PIGF: variants seen among roughly 807,000 people sequenced by gnomAD.
PIGF encodes the protein GPI ethanolamine phosphate transferase, stabilizing subunit.
Under a neutral mutation model 26.0 loss-of-function variants are expected in PIGF, and 23 were observed. The ratio of observed to expected loss-of-function variants is 0.88; its 90% CI spans 0.64 to 1.25. The LOEUF is 1.25. Among genes scored for constraint, PIGF ranks in the 50% most tolerant of loss-of-function variants. PIGF has a pLI of 0.00. For synonymous variants in PIGF, 93 were observed against 92.6 expected (o/e 1.00, Z -0.03); for missense variants, 278 against 249.9 (o/e 1.11, Z -0.76).
chr2:46,597,129 T>A (rs1669912994), intron 4 of PIGF, among the ~76,000 whole-genome samples: 1 of 152,166 alleles, frequency 6.6e-6, no homozygotes, highest in South Asian at 2.1e-4. Flanking sequence ...TGCTGTGGGG[T>A]CCCTGCACGA....
chr2:46,596,447 A>C (rs1022157048), intron 4 of PIGF, among the ~76,000 whole-genome samples: 6 of 152,138 alleles, frequency 3.9e-5, no homozygotes, highest in Non-Finnish European at 8.8e-5. Flanking sequence ...TGGAACTGAG[A>C]CCTATTTTTA....
rs947278261 is a variant in PIGF, at chr2:46,617,017, C to T, written c.-69G>A. 2 of 581,154 alleles carry T rather than the reference C, an allele frequency of 3.4e-6. No individual in the cohort carries two copies. Among genetic ancestry groups the T allele is most frequent in the African/African-American group, 3.8e-5 (2 of 52,638 alleles). 36.0% of individuals were successfully genotyped at this position (581,154 alleles called of 1,614,324 possible). The stretch of plus-strand genomic sequence containing the variant: ...GGAAGCGGGGAACTACTGCCTCCTA[C>T]CATCAGGTACGACGGGCGGCCCAGG... On this transcript the variant is annotated 5_prime_UTR_variant, in exon 1 of 6. Coordinates refer to ENST00000281382, the MANE Select transcript of PIGF (RefSeq NM_002643.4).
At chr2:46,604,588 G>A (rs1308857578) in intron 4 of PIGF, among the ~76,000 whole-genome samples, 4 of 151,962 alleles carry the variant, frequency 2.6e-5, no homozygotes, top group African/African-American at 9.7e-5. Context: ...AGGTCATTAT[G>A]TTAAATGAAA....
intron 5 of PIGF, among the ~76,000 whole-genome samples, chr2:46,587,453 CA>C (rs1558699522): frequency 6.7e-6 from 1 of 150,108 alleles, no homozygotes; most frequent in African/African-American, 2.4e-5. Flanking sequence ...AAAAAAAACC[CA>C]AAAAATTTTT....
chr2:46,597,604 G>T (rs1298286024), intron 4 of PIGF, among the ~76,000 whole-genome samples: 1 of 152,086 alleles, frequency 6.6e-6, no homozygotes, highest in African/African-American at 2.4e-5. Flanking sequence ...TAGAGATGGG[G>T]TTTCACCTTG....
At chr2:46,601,344 T>A (rs1412378847) in intron 4 of PIGF, among the ~76,000 whole-genome samples, 3 of 152,116 alleles carry the variant, frequency 2.0e-5, no homozygotes, top group African/African-American at 7.2e-5. Context: ...ATTATTTGAC[T>A]CCACTGGAAT....
At chr2:46,614,153 T>C (rs1236415359) in intron 2 of PIGF, 1 of 156,458 alleles carries the variant, frequency 6.4e-6, no homozygotes, top group African/African-American at 2.4e-5. Flanking sequence ...ATAGAGGAAA[T>C]ATCTGCAGAA....
chr2:46,591,070 T>C (rs543004587), intron 5 of PIGF, among the ~76,000 whole-genome samples: 18 of 152,182 alleles, frequency 1.2e-4, no homozygotes, highest in Non-Finnish European at 2.2e-4. Flanking sequence ...ACAGAGAAAA[T>C]TGGACAAATA....
intron 1 of PIGF, chr2:46,616,195 G>T (rs1302622838): frequency 1.3e-5 from 2 of 152,244 alleles, no homozygotes; most frequent in African/African-American, 4.8e-5. Context: ...CGGCAAACAG[G>T]TGAGGTGGTC....
intron 1 of PIGF, chr2:46,615,780 C>T (rs374477072): frequency 6.6e-6 from 1 of 152,090 alleles, no homozygotes; most frequent in Non-Finnish European, 1.5e-5. Flanking sequence ...CCACACTAAA[C>T]CAAGGGATCC....
intron 4 of PIGF, among the ~76,000 whole-genome samples, chr2:46,607,924 C>G (rs1245744359): frequency 6.6e-6 from 1 of 152,118 alleles, no homozygotes; most frequent in Non-Finnish European, 1.5e-5. Context: ...TCTCAAACTC[C>G]TGACCTCAAG....
In PIGF at chr2:46,581,344, A is replaced by G; in HGVS notation, c.*134T>C. On this transcript the variant is annotated 3_prime_UTR_variant, in exon 6 of 6. Transcript: ENST00000281382. ...CAATCTCTCAGGGGTTTCATAGTTTAAAAAGCTACAATCACATCATGTTGT... is the reference window on the plus strand; with the variant it reads ...CAATCTCTCAGGGGTTTCATAGTTTGAAAAGCTACAATCACATCATGTTGT... 7.3e-7 allele frequency: 1 copy of G among 1,373,554 alleles called. No homozygotes were observed. Among genetic ancestry groups the G allele is most frequent in the Non-Finnish European group, 9.7e-7 (1 of 1,027,074 alleles). 85.1% of individuals were successfully genotyped at this position (1,373,554 alleles called of 1,614,324 possible). A position where few individuals can be genotyped will look rare whatever the true frequency, so the allele number is the denominator to read the frequency against.
chr2:46,601,748 A>G (rs1384091511), intron 4 of PIGF, among the ~76,000 whole-genome samples: 1 of 152,016 alleles, frequency 6.6e-6, no homozygotes. Flanking sequence ...GGTTGCTTCA[A>G]TATAAAATCT....
chr2:46,612,669 G>A (rs1172218635), intron 3 of PIGF, among the ~76,000 whole-genome samples: 1 of 151,816 alleles, frequency 6.6e-6, no homozygotes, highest in East Asian at 1.9e-4. Flanking sequence ...AGTCTCTCTG[G>A]AACTTTCTCT....
intron 4 of PIGF, among the ~76,000 whole-genome samples, chr2:46,594,840 G>A (rs545806521): frequency 2.1e-5 from 3 of 143,928 alleles, no homozygotes; most frequent in African/African-American, 5.2e-5. Flanking sequence ...GGCCCTCACC[G>A]TTTTTTTTTT....
intron 5 of PIGF, among the ~76,000 whole-genome samples, chr2:46,584,182 C>A (rs1466308343): frequency 6.6e-6 from 1 of 152,148 alleles, no homozygotes. Context: ...AGTGTCCCTT[C>A]TTAACACATG....
At chr2:46,595,176 T>C (rs893061874) in intron 4 of PIGF, among the ~76,000 whole-genome samples, 1 of 152,194 alleles carries the variant, frequency 6.6e-6, no homozygotes, top group Non-Finnish European at 1.5e-5. Context: ...GTTTTTAGTA[T>C]ATTCACAGAG....
chr2:46,598,151 C>T lies in PIGF; in HGVS notation c.438-5568G>A, dbSNP rs564063511. Reference sequence around the variant, plus strand: ...TCTACTTCCGTTGAGTATTTTTATTCCCCAAAAGTTTTCTTGTTCTCTGAA... The same window carrying T: ...TCTACTTCCGTTGAGTATTTTTATTTCCCAAAAGTTTTCTTGTTCTCTGAA... On this transcript the variant is annotated intron_variant, in intron 4 of 5. Coordinates refer to ENST00000281382, the MANE Select transcript of PIGF (RefSeq NM_002643.4). Among the ~76,000 whole-genome samples the T allele has an allele frequency of 2.8e-4, 43 of 151,566 alleles. 1 individual carries two copies. In the South Asian group the frequency reaches 9.0e-3, roughly 32 times the overall value.
In PIGF at chr2:46,588,267, C is replaced by A. The variant is rs77749457; in HGVS notation, c.546+4208G>T. ...AATACCAGAGAAATAGATAAATTAA[C>A]AGTCCACTCTACCAACTGAAAGACT... is the stretch of plus-strand genomic sequence containing the variant. On this transcript the variant is annotated intron_variant, in intron 5 of 5. Coordinates refer to ENST00000281382, the MANE Select transcript of PIGF (RefSeq NM_002643.4). This position sits in a 1 kb window ranked among gnomAD's most constrained non-coding sequence, Gnocchi z 4.1. The A allele has an allele frequency of 5.1e-5, 78 of 1,534,546 alleles. No homozygotes were observed. The highest frequency in any genetic ancestry group is 6.1e-5 in the Non-Finnish European group (69 of 1,136,930).
Sources: allele counts gnomAD v4.1 joint callset (sites outside exome capture counted in the v4.1 genomes callset), GRCh38; gene constraint gnomAD v4.1.1; non-coding constraint Gnocchi (gnomAD v3.1); transcripts MANE v1.5; gene names NCBI Gene and HGNC (gene_info 2026-07-23, HGNC 2026-07-21).